Variants in DHH observed in about 807,000 individuals in gnomAD.
The protein encoded by DHH is desert hedgehog signaling molecule.
Under a neutral mutation model 27.6 loss-of-function variants are expected in DHH, and 16 were observed. The observed-to-expected ratio is 0.58, with a 90% confidence interval of 0.39 to 0.88. The LOEUF is 0.88. DHH is among the 40% of genes least tolerant of loss of function. The pLI, the probability that DHH is intolerant of heterozygous loss-of-function variation, is 0.00. For synonymous variants in DHH, 289 were observed against 263.4 expected (o/e 1.10, Z -0.94); for missense variants, 436 against 563.1 (o/e 0.77, Z 2.28).
chr12:49,094,611 A>T lies in DHH; in HGVS notation c.-99T>A. ...AGGCACCAGAGAGGGCAGCAGGCAC[A>T]GCTGCCCCCAGAGTGCCCTAGAGCT... On this transcript the variant is annotated 5_prime_UTR_variant, in exon 1 of 3. Transcript: ENST00000649637. 6.7e-6 allele frequency: 9 copies of T among 1,346,452 alleles called. No individual in the cohort carries two copies. Among genetic ancestry groups the T allele is most frequent in the African/African-American group, 1.4e-5 (1 of 69,018 alleles). 83.4% of individuals were successfully genotyped at this position (1,346,452 alleles called of 1,614,324 possible). A position where few individuals can be genotyped will look rare whatever the true frequency, so the allele number is the denominator to read the frequency against.
In DHH at chr12:49,087,764, A is replaced by T. The variant is rs190641067; in HGVS notation, c.*2095T>A. Among the ~76,000 whole-genome samples the T allele has an allele frequency of 5.2e-4, 79 of 152,346 alleles. No individual in the cohort carries two copies. The highest frequency in any genetic ancestry group is 8.3e-4 in the South Asian group (4 of 4,828). On this transcript the variant is annotated 3_prime_UTR_variant, in exon 3 of 3. Transcript: ENST00000649637. ...ATTACCTGGGAAGGGCAGTAAAACC[A>T]AGGAGCCCATCAACATAGGACAACT...
At position 49,090,390 on chromosome 12, in the gene DHH, GT is replaced by G. The variant is rs1565573264; in HGVS notation, c.659del (p.His220ProfsTer117). On this transcript the variant is annotated frameshift_variant, in exon 3 of 3. Coordinates refer to ENST00000649637, the MANE Select transcript of DHH (RefSeq NM_021044.4). LOFTEE classifies it high-confidence loss of function. This position sits in a 1 kb window ranked among gnomAD's most constrained non-coding sequence, Gnocchi z 5.2. Reference protein sequence around the residue: ...SGERKGLRELHRGDWVLAADA... With the variant: ...SGERKGLRELXRGDWVLAADA... ...CGGCCGCCAAAACCCAGTCTCCGCG[GT>G]GCAGTTCCCGCAGCCCTTTCCGCTC... is the stretch of plus-strand genomic sequence containing the variant. 6.2e-7 allele frequency: 1 copy of G among 1,609,632 alleles called. No individual in the cohort carries two copies. The highest frequency in any genetic ancestry group is 8.5e-7 in the Non-Finnish European group (1 of 1,178,822).
At chr12:49,093,679 T>C (rs1460006715) in intron 1 of DHH, among the ~76,000 whole-genome samples, 1 of 152,158 alleles carries the variant, frequency 6.6e-6, no homozygotes, top group Non-Finnish European at 1.5e-5. Flanking sequence ...TAGGACACGT[T>C]TCCCATGCCA....
At position 49,094,638 on chromosome 12, in the gene DHH, T is replaced by G; in HGVS notation, c.-126A>C. The G allele has an allele frequency of 1.3e-5, 15 of 1,161,844 alleles. No individual in the cohort carries two copies. Among genetic ancestry groups the G allele is most frequent in the East Asian group, 2.6e-5 (1 of 39,052 alleles). The allele number at this position is 1,161,844 out of a possible 1,614,324, so 72.0% of individuals were successfully genotyped here. ...CTGCCCCCAGAGTGCCCTAGAGCTC[T>G]TGTGGCTCCGTGCACCTGGCTGCTG... is the stretch of plus-strand genomic sequence containing the variant. On this transcript the variant is annotated 5_prime_UTR_variant, in exon 1 of 3. Coordinates refer to ENST00000649637, the MANE Select transcript of DHH (RefSeq NM_021044.4).
Position 49,090,129 on chromosome 12 carries a change from C to T in DHH, c.921G>A (p.Ala307=). The change falls in exon 3 of 3, where the codon GCG becomes GCA. Residue 307 remains alanine (A), a synonymous_variant. Coordinates refer to ENST00000649637, the MANE Select transcript of DHH (RefSeq NM_021044.4). The surrounding 1 kb of genome is among the most constrained non-coding windows in gnomAD (Gnocchi z 5.2). ...CACGGGCCACGCGCGCTGGCCGAAG[C>T]GCATCCCCGCCGGGCGCCAGCACCG... ...GDSVLAPGGD[A]LRPARVARVA... 6.6e-7 allele frequency: 1 copy of T among 1,506,952 alleles called. No individual in the cohort carries two copies. Among genetic ancestry groups the T allele is most frequent in the South Asian group, 1.3e-5 (1 of 77,456 alleles). 93.3% of individuals were successfully genotyped at this position (1,506,952 alleles called of 1,614,324 possible).
Position 49,091,112 on chromosome 12 carries a change from C to A in DHH, c.565+16G>T, listed in dbSNP as rs1316686438. 1 of 1,614,106 alleles carries A rather than the reference C, an allele frequency of 6.2e-7. No homozygotes were observed. Among genetic ancestry groups the A allele is most frequent in the Non-Finnish European group, 8.5e-7 (1 of 1,180,048 alleles). Reference sequence around the variant, plus strand: ...GCCCCCTTTGGGCGGATTTTACCACCCTCCTCCTACTGTACCAGCTTTGAC... The same window carrying A: ...GCCCCCTTTGGGCGGATTTTACCACACTCCTCCTACTGTACCAGCTTTGAC... On this transcript the variant is annotated intron_variant, in intron 2 of 2. Transcript: ENST00000649637. This position sits in a 1 kb window ranked among gnomAD's most constrained non-coding sequence, Gnocchi z 4.8.
At chr12:49,094,067 T>TC (rs1565575072) in intron 1 of DHH, 143 bp downstream of exon 1, 2 of 932,836 alleles carry the variant, frequency 2.1e-6, no homozygotes, top group Non-Finnish European at 1.6e-6. Context: ...GCAAGGATTT[T>TC]TCCCCCCCCT....
Position 49,091,618 on chromosome 12 carries a change from C to T in DHH, c.304-229G>A, listed in dbSNP as rs1311652828. On this transcript the variant is annotated intron_variant, in intron 1 of 2. Transcript: ENST00000649637. This position sits in a 1 kb window ranked among gnomAD's most constrained non-coding sequence, Gnocchi z 4.8. ...ACCTCTGAGGTTGAGAGGGGGTGCC[C>T]ATACCTAGCTCCTTCCCCATTTTTA... is the stretch of plus-strand genomic sequence containing the variant. 6.6e-6 allele frequency among the ~76,000 whole-genome samples: 1 copy of T among 152,182 alleles called. No homozygotes were observed. The highest frequency in any genetic ancestry group is 2.4e-5 in the African/African-American group (1 of 41,424).
In DHH at chr12:49,090,996, C is replaced by T. The variant is rs918455673; in HGVS notation, c.565+132G>A. The T allele has an allele frequency of 1.7e-5, 23 of 1,393,366 alleles. No individual in the cohort carries two copies. The highest frequency in any genetic ancestry group is 2.3e-5 in the East Asian group (1 of 43,792). The allele number at this position is 1,393,366 out of a possible 1,614,324, so 86.3% of individuals were successfully genotyped here. On this transcript the variant is annotated intron_variant, in intron 2 of 2. Transcript: ENST00000649637. The surrounding 1 kb of genome is among the most constrained non-coding windows in gnomAD (Gnocchi z 5.2). ...GGATTAGAGGCGTGAGGCACCGCCTCGGCCTGGACGGGTGGTTTTCAACAC... is the reference window on the plus strand; with the variant it reads ...GGATTAGAGGCGTGAGGCACCGCCTTGGCCTGGACGGGTGGTTTTCAACAC...
chr12:49,094,076 C>T (rs1047813647), intron 1 of DHH, 134 bp downstream of exon 1: 2 of 1,040,990 alleles, frequency 1.9e-6, no homozygotes, highest in African/African-American at 1.6e-5. Flanking sequence ...TTTCCCCCCC[C>T]TGGGGCTGGT....
Position 49,091,087 on chromosome 12 carries a change from G to T in DHH, c.565+41C>A, listed in dbSNP as rs755111261. The T allele has an allele frequency of 1.2e-6, 2 of 1,613,954 alleles. No individual in the cohort carries two copies. The highest frequency in any genetic ancestry group is 1.3e-5 in the African/African-American group (1 of 75,040). Reference sequence around the variant, plus strand: ...CTGCAGACTCAGTTTCCCGGAGGGAGCCCCCTTTGGGCGGATTTTACCACC... The same window carrying T: ...CTGCAGACTCAGTTTCCCGGAGGGATCCCCCTTTGGGCGGATTTTACCACC... On this transcript the variant is annotated intron_variant, in intron 2 of 2. Coordinates refer to ENST00000649637, the MANE Select transcript of DHH (RefSeq NM_021044.4). The surrounding 1 kb of genome is among the most constrained non-coding windows in gnomAD (Gnocchi z 4.8).
chr12:49,090,237 G>C lies in DHH; in HGVS notation c.813C>G (p.His271Gln). 1 of 1,560,968 alleles carries C rather than the reference G, an allele frequency of 6.4e-7. No individual in the cohort carries two copies. The highest frequency in any genetic ancestry group is 8.7e-7 in the Non-Finnish European group (1 of 1,153,190). The change falls in exon 3 of 3, where the codon CAC becomes CAG. Residue 271 changes from histidine (H) to glutamine (Q), a missense_variant. Coordinates refer to ENST00000649637, the MANE Select transcript of DHH (RefSeq NM_021044.4). The surrounding 1 kb of genome is among the most constrained non-coding windows in gnomAD (Gnocchi z 5.2). ...PPRKLLLTPW[H>Q]LVFAARGPAP... ...CCGGCCCTCGAGCGGCAAACACCAG[G>C]TGCCAGGGCGTGAGCAACAGTTTGC...
Position 49,090,512 on chromosome 12 carries a change from G to A in DHH, c.566-28C>T, listed in dbSNP as rs201750069. On this transcript the variant is annotated intron_variant, in intron 2 of 2. Coordinates refer to ENST00000649637, the MANE Select transcript of DHH (RefSeq NM_021044.4). This position sits in a 1 kb window ranked among gnomAD's most constrained non-coding sequence, Gnocchi z 5.2. The stretch of plus-strand genomic sequence containing the variant: ...GCAGGGAACAACCACAGGGAGGATT[G>A]AATCAAGACCAGCGGTTCCAGAACG... 6.3e-7 allele frequency: 1 copy of A among 1,595,644 alleles called. No homozygotes were observed. The highest frequency in any genetic ancestry group is 1.3e-5 in the African/African-American group (1 of 74,978).
rs575058721 is a variant in DHH at position 49,090,645 on chromosome 12, C to A, written c.566-161G>T. Among the ~76,000 whole-genome samples the A allele has an allele frequency of 1.1e-4, 17 of 151,966 alleles. No individual in the cohort carries two copies. Among genetic ancestry groups the A allele is most frequent in the African/African-American group, 3.9e-4 (16 of 41,426 alleles). The stretch of plus-strand genomic sequence containing the variant: ...AGGAAGGGCGGTTTTTCTTTCTTTT[C>A]TTTTCCTTTTTCTTCTCTTTTCTAT... On this transcript the variant is annotated intron_variant, in intron 2 of 2. Coordinates refer to ENST00000649637, the MANE Select transcript of DHH (RefSeq NM_021044.4). The surrounding 1 kb of genome is among the most constrained non-coding windows in gnomAD (Gnocchi z 5.2).
In DHH at chr12:49,090,629, G is replaced by A. The variant is rs529934751; in HGVS notation, c.566-145C>T. The A allele has an allele frequency of 9.1e-7, 1 of 1,094,970 alleles. No individual in the cohort carries two copies. The highest frequency in any genetic ancestry group is 1.5e-5 in the South Asian group (1 of 67,910). 67.8% of individuals were successfully genotyped at this position (1,094,970 alleles called of 1,614,324 possible). On this transcript the variant is annotated intron_variant, in intron 2 of 2. Transcript: ENST00000649637. This position sits in a 1 kb window ranked among gnomAD's most constrained non-coding sequence, Gnocchi z 5.2. Reference sequence around the variant, plus strand: ...CCAACCTGGGCAGAAAAGGAAGGGCGGTTTTTCTTTCTTTTCTTTTCCTTT... The same window carrying A: ...CCAACCTGGGCAGAAAAGGAAGGGCAGTTTTTCTTTCTTTTCTTTTCCTTT...
intron 1 of DHH, chr12:49,093,013 G>T (rs565276906): frequency 6.6e-6 from 1 of 152,228 alleles, no homozygotes; most frequent in South Asian, 2.1e-4. Context: ...GAGGAAATCC[G>T]TACCCCTCCC....
chr12:49,089,799 T>C lies in DHH; in HGVS notation c.*60A>G. 3 of 1,463,454 alleles carry C rather than the reference T, an allele frequency of 2.0e-6. No homozygotes were observed. The highest frequency in any genetic ancestry group is 2.7e-6 in the Non-Finnish European group (3 of 1,101,716). 90.7% of individuals were successfully genotyped at this position (1,463,454 alleles called of 1,614,324 possible). ...GCATCGTCTGCTGCCCACAGCCCCA[T>C]ATCTCAGCCAGCAGGCCCTCGTTTC... On this transcript the variant is annotated 3_prime_UTR_variant, in exon 3 of 3. Coordinates refer to ENST00000649637, the MANE Select transcript of DHH (RefSeq NM_021044.4).
Position 49,089,926 on chromosome 12 carries a change from A to T in DHH, c.1124T>A (p.Val375Asp). ...ALGALLPGGA[V>D]QPTGMHWYSR... ...GTACCAATGCATGCCAGTCGGCTGG[A>T]CGGCCCCGCCGGGGAGCAGCGCCCC... is the stretch of plus-strand genomic sequence containing the variant. The change falls in exon 3 of 3, where the codon GTC becomes GAC. Residue 375 changes from valine (V) to aspartate (D), a missense_variant. Transcript: ENST00000649637. 1 of 1,588,322 alleles carries T rather than the reference A, an allele frequency of 6.3e-7. No homozygotes were observed. The highest frequency in any genetic ancestry group is 8.6e-7 in the Non-Finnish European group (1 of 1,168,314).
rs1324689152 is a variant in DHH at position 49,089,983 on chromosome 12, G to A, written c.1067C>T (p.Ala356Val). 6.4e-7 allele frequency: 1 copy of A among 1,569,478 alleles called. No individual in the cohort carries two copies. The highest frequency in any genetic ancestry group is 8.6e-7 in the Non-Finnish European group (1 of 1,158,474). ...VLESHQWAHR[A>V]FAPLRLLHAL... ...GTGCAGCAGTCTCAAGGGGGCAAAA[G>A]CGCGGTGCGCCCACTGGTGACTCTC... Residue 356 changes from alanine (A) to valine (V), a missense_variant, in exon 3 of 3, where the codon GCT (alanine) becomes GTT (valine). Coordinates refer to ENST00000649637, the MANE Select transcript of DHH (RefSeq NM_021044.4).
Sources: gnomAD v4.1 joint callset for allele counts (sites outside exome capture counted in the v4.1 genomes callset) on GRCh38, gnomAD v4.1.1 for gene constraint, Gnocchi (gnomAD v3.1) non-coding constraint, MANE v1.5 for transcripts, NCBI Gene and HGNC (gene_info 2026-07-23, HGNC 2026-07-21) for gene names.